IGSF9B: variants seen among roughly 807,000 people sequenced by gnomAD.
IGSF9B encodes the protein protein turtle homolog B.
A neutral mutation model predicts 143.7 loss-of-function variants in IGSF9B; 48 were observed. The observed-to-expected ratio is 0.33, with a 90% CI of 0.26 to 0.42. The LOEUF (loss-of-function observed/expected upper bound fraction) is 0.42. IGSF9B is among the 20% of genes least tolerant of loss of function. IGSF9B has a pLI of 1.00. For missense variants in IGSF9B, 1,706 were observed against 1,980.0 expected, an observed-to-expected ratio of 0.86 and a Z score of 2.63; for synonymous variants, 903 against 833.1, an observed-to-expected ratio of 1.08 and a Z score of -1.44.
chr11:133,934,790 C>A (rs1939792077), intron 7 of IGSF9B, among the ~76,000 whole-genome samples: 1 of 152,202 alleles, frequency 6.6e-6, no homozygotes, highest in South Asian at 2.1e-4. Context: ...CCAGACTGTT[C>A]CACTTCTCAC....
At chr11:133,954,789 C>T (rs1024037422) in intron 1 of IGSF9B, among the ~76,000 whole-genome samples, 1 of 152,124 alleles carries the variant, frequency 6.6e-6, no homozygotes, top group African/African-American at 2.4e-5. Context: ...AAGAAAGACC[C>T]CAAGACCAGC....
rs1939088744 is a variant in IGSF9B at position 133,899,801 on chromosome 11, G to C, written c.*9268C>G. The C allele has an allele frequency of 6.6e-6, 1 of 152,266 alleles. No homozygotes were observed. Among genetic ancestry groups the C allele is most frequent in the Admixed American group, 6.5e-5 (1 of 15,282 alleles). The allele number at this position is 152,266 out of a possible 1,614,324, so 9.4% of individuals were successfully genotyped here. ...CCGTGGTGGTCTGGGAAGGCTTCAA[G>C]GTAGGAAGGGAACAGAATTTGCACC... is the stretch of plus-strand genomic sequence containing the variant. On this transcript the variant is annotated 3_prime_UTR_variant, in exon 20 of 20. Transcript: ENST00000533871.
intron 17 of IGSF9B, among the ~76,000 whole-genome samples, chr11:133,921,963 T>C (rs1015082382): frequency 6.6e-6 from 1 of 152,170 alleles, no homozygotes; most frequent in African/African-American, 2.4e-5. Context: ...CCACTCCCTC[T>C]ACCAGCGTGG....
At chr11:133,910,341 G>C (rs1261331271) in intron 19 of IGSF9B, among the ~76,000 whole-genome samples, 2 of 152,194 alleles carry the variant, frequency 1.3e-5, no homozygotes, top group South Asian at 2.1e-4. Context: ...CAGCCACGAG[G>C]TACTGCAATA....
At position 133,913,894 on chromosome 11, in the gene IGSF9B, G is replaced by A. The variant is rs1023190675; in HGVS notation, c.3984-1887C>T. Among the ~76,000 whole-genome samples, 8 of 152,152 alleles carry A rather than the reference G, an allele frequency of 5.3e-5. No homozygotes were observed. The highest frequency in any genetic ancestry group is 2.1e-4 in the South Asian group (1 of 4,822). On this transcript the variant is annotated intron_variant, in intron 18 of 19. Coordinates refer to ENST00000533871, the MANE Select transcript of IGSF9B (RefSeq NM_001277285.4). This position sits in a 1 kb window ranked among gnomAD's most constrained non-coding sequence, Gnocchi z 4.6. Reference sequence around the variant, plus strand: ...TTCAGTCGATCTCTGTCTCCTGGCCGGCCTCTTCAGGAGGACCACACAGGG... The same window carrying A: ...TTCAGTCGATCTCTGTCTCCTGGCCAGCCTCTTCAGGAGGACCACACAGGG...
Position 133,928,010 on chromosome 11 carries a change from C to T in IGSF9B, c.1632-919G>A, listed in dbSNP as rs1389351723. 1.3e-5 allele frequency among the ~76,000 whole-genome samples: 2 copies of T among 152,190 alleles called. No homozygotes were observed. Among genetic ancestry groups the T allele is most frequent in the African/African-American group, 2.4e-5 (1 of 41,444 alleles). ...GAAAGAAAGGAGACCTCCCCAACCT[C>T]GGCCCCGCCCTTCCCTGGCCCAGGC... On this transcript the variant is annotated intron_variant, in intron 12 of 19. Transcript: ENST00000533871. The surrounding 1 kb of genome is among the most constrained non-coding windows in gnomAD (Gnocchi z 4.7).
At position 133,929,835 on chromosome 11, in the gene IGSF9B, G is replaced by C. The variant is rs1379472515; in HGVS notation, c.1520-53C>G. The C allele has an allele frequency of 2.4e-6, 3 of 1,251,126 alleles. No homozygotes were observed. The African/African-American group carries it at 4.4e-5, about 18-fold the overall frequency. 77.5% of individuals were successfully genotyped at this position (1,251,126 alleles called of 1,614,324 possible). Reference sequence around the variant, plus strand: ...CTGAAAAGAACTCAGCCACGTGGCTGGGTGCCCACCGTCTGGCTGTGGGGA... The same window carrying C: ...CTGAAAAGAACTCAGCCACGTGGCTCGGTGCCCACCGTCTGGCTGTGGGGA... On this transcript the variant is annotated intron_variant, in intron 11 of 19. Coordinates refer to ENST00000533871, the MANE Select transcript of IGSF9B (RefSeq NM_001277285.4).
intron 1 of IGSF9B, among the ~76,000 whole-genome samples, chr11:133,951,424 TAAGGAGAG>T (rs1261594839): frequency 2.0e-5 from 3 of 152,174 alleles, no homozygotes; most frequent in Non-Finnish European, 4.4e-5. Flanking sequence ...AGCCGCTCCT[TAAGGAGAG>T]AGAGGCACTG....
At chr11:133,919,313 G>C (rs1229302507) in intron 18 of IGSF9B, among the ~76,000 whole-genome samples, 1 of 152,166 alleles carries the variant, frequency 6.6e-6, no homozygotes, top group Non-Finnish European at 1.5e-5. Flanking sequence ...TTAGCAAGCA[G>C]CAGGGGCCGG....
At chr11:133,946,792 G>C (rs141637613) in intron 1 of IGSF9B, among the ~76,000 whole-genome samples, 12 of 152,196 alleles carry the variant, frequency 7.9e-5, no homozygotes, top group Admixed American at 6.5e-4. Flanking sequence ...AGCTCAGCCC[G>C]ATGTGCATGG....
intron 7 of IGSF9B, among the ~76,000 whole-genome samples, chr11:133,934,809 C>G (rs1418510458): frequency 6.6e-6 from 1 of 152,218 alleles, no homozygotes; most frequent in Non-Finnish European, 1.5e-5. Context: ...ACCCCTGCCA[C>G]TCCCTGTCGC....
intron 3 of IGSF9B, 102 bp from the exon 4 acceptor site, chr11:133,938,063 G>C (rs1591721023): frequency 7.7e-7 from 1 of 1,294,752 alleles, no homozygotes; most frequent in East Asian, 2.5e-5. Flanking sequence ...CGGCTCTGCG[G>C]AATGCAAGGA....
rs1372841803 is a variant in IGSF9B at position 133,900,444 on chromosome 11, G to A, written c.*8625C>T. On this transcript the variant is annotated 3_prime_UTR_variant, in exon 20 of 20. Coordinates refer to ENST00000533871, the MANE Select transcript of IGSF9B (RefSeq NM_001277285.4). Reference sequence around the variant, plus strand: ...AGCCCTTGCATATGTGTGAGGTCTGGAATTTGCTCAGAGAGGTATTCTTCA... The same window carrying A: ...AGCCCTTGCATATGTGTGAGGTCTGAAATTTGCTCAGAGAGGTATTCTTCA... 4 of 152,746 alleles carry A rather than the reference G, an allele frequency of 2.6e-5. No homozygotes were observed. The highest frequency in any genetic ancestry group is 1.3e-4 in the Admixed American group (2 of 15,304). The allele number at this position is 152,746 out of a possible 1,614,324, so 9.5% of individuals were successfully genotyped here. A position where few individuals can be genotyped will look rare whatever the true frequency, so the allele number is the denominator to read the frequency against.
At position 133,920,912 on chromosome 11, in the gene IGSF9B, TCCAGCCCG is replaced by T; in HGVS notation, c.2805_2812del (p.Leu937ProfsTer99). ...CCGACCTTCCAGGCCACCGGGGCCC[TCCAGCCCG>T]CGGGGCTGGAACCGAGGGCTGTATG... On this transcript the variant is annotated frameshift_variant, in exon 18 of 20. Transcript: ENST00000533871. LOFTEE classifies it high-confidence loss of function. 1 of 1,609,072 alleles carries T rather than the reference TCCAGCCCG, an allele frequency of 6.2e-7. No individual in the cohort carries two copies. The highest frequency in any genetic ancestry group is 8.5e-7 in the Non-Finnish European group (1 of 1,178,088).
chr11:133,925,835 G>A lies in IGSF9B; in HGVS notation c.1938C>T (p.Arg646=), dbSNP rs1335231921. 6.2e-7 allele frequency: 1 copy of A among 1,613,916 alleles called. No individual in the cohort carries two copies. The highest frequency in any genetic ancestry group is 2.2e-5 in the East Asian group (1 of 44,886). ...CTGCGACACGGAACTCCATGATGTA[G>A]CGGTCGATGGGAAAGCTGTGGTTGG... ...PPANHSFPID[R]YIMEFRVAER... is the part of the protein sequence containing the mutation. The change falls in exon 14 of 20, where the codon CGC becomes CGT. Residue 646 remains arginine (R), a synonymous_variant. Coordinates refer to ENST00000533871, the MANE Select transcript of IGSF9B (RefSeq NM_001277285.4).
At chr11:133,922,033 G>A (rs34631144) in intron 17 of IGSF9B, 144 bp downstream of exon 17, 29,822 of 690,426 alleles carry the variant, frequency 0.043, 913 homozygotes, top group Middle Eastern at 0.1. Flanking sequence ...CACTGAGATG[G>A]GGCTGGGCAA....
chr11:133,951,498 G>A (rs978239751), intron 1 of IGSF9B, among the ~76,000 whole-genome samples: 1 of 152,260 alleles, frequency 6.6e-6, no homozygotes, highest in African/African-American at 2.4e-5. Flanking sequence ...CCGGCCCTGA[G>A]CCTTCTCGGC....
Position 133,931,365 on chromosome 11 carries a change from T to C in IGSF9B, c.1368+88A>G. 1.0e-6 allele frequency: 1 copy of C among 989,558 alleles called. No individual in the cohort carries two copies. The highest frequency in any genetic ancestry group is 1.5e-6 in the Non-Finnish European group (1 of 653,302). The allele number at this position is 989,558 out of a possible 1,614,324, so 61.3% of individuals were successfully genotyped here. On this transcript the variant is annotated intron_variant, in intron 10 of 19. Transcript: ENST00000533871. The surrounding 1 kb of genome is among the most constrained non-coding windows in gnomAD (Gnocchi z 7.7). ...TCACACCTCCCCTCAGCCCCGGGGC[T>C]CGCTGGGCCCTCAAACCTCCCCGCA...
intron 3 of IGSF9B, chr11:133,938,170 C>T: frequency 3.4e-6 from 2 of 582,260 alleles, no homozygotes; most frequent in East Asian, 5.9e-5. Flanking sequence ...GGTCCAAATT[C>T]TGTATTGTAG....
Sources: gnomAD v4.1 joint callset for allele counts (sites outside exome capture counted in the v4.1 genomes callset) on GRCh38, gnomAD v4.1.1 for gene constraint, Gnocchi (gnomAD v3.1) non-coding constraint, MANE v1.5 for transcripts, NCBI Gene and HGNC (gene_info 2026-07-23, HGNC 2026-07-21) for gene names.